The following VWF variants were observed in gnomAD, a reference collection of about 807,000 sequenced individuals.
VWF encodes von Willebrand factor.
VWF carries 176 observed loss-of-function variants against 308.6 expected under a neutral mutation model. The observed-to-expected ratio is 0.57, with a 90% CI of 0.50 to 0.65. VWF has a LOEUF of 0.65. VWF is among the 30% of genes least tolerant of loss of function. VWF has a pLI of 0.00. For synonymous variants in VWF, 1,385 were observed against 1,443.4 expected (o/e 0.96, Z 0.92); for missense variants, 3,146 against 3,648.2 (o/e 0.86, Z 3.55).
chr12:6,121,883 A>G (rs1416146191), intron 2 of VWF, among the ~76,000 whole-genome samples: 1 of 152,120 alleles, frequency 6.6e-6, no homozygotes, highest in African/African-American at 2.4e-5. Context: ...GGGAGCCAAC[A>G]TCATACCACT....
At position 6,064,389 on chromosome 12, in the gene VWF, C is replaced by G. The variant is rs1461243392; in HGVS notation, c.1294-5G>C. 2 of 1,613,944 alleles carry G rather than the reference C, an allele frequency of 1.2e-6. No individual in the cohort carries two copies. On this transcript the variant is annotated splice_region_variant and splice_polypyrimidine_tract_variant and intron_variant, in intron 11 of 51. Coordinates refer to ENST00000261405, the MANE Select transcript of VWF (RefSeq NM_000552.5). ...AGCGTCGCGGTCATCAGCACACTGC[C>G]AAGAGGGAACACAGGGTGACTTTGC... is the stretch of plus-strand genomic sequence containing the variant.
In VWF at chr12:5,999,049, G is replaced by A. The variant is rs375605676; in HGVS notation, c.5843-2827C>T. ...AAAACATCCAAACTTTAAAATAGCC[G>A]TAAATAAAGTAAAAGAGAAAAAACA... On this transcript the variant is annotated intron_variant, in intron 34 of 51. Coordinates refer to ENST00000261405, the MANE Select transcript of VWF (RefSeq NM_000552.5). Among the ~76,000 whole-genome samples the A allele has an allele frequency of 4.1e-4, 62 of 152,224 alleles. 1 individual carries two copies. The highest frequency in any genetic ancestry group is 1.3e-3 in the African/African-American group (54 of 41,524).
At chr12:6,008,807 TAAAAC>T (rs766128142) in intron 34 of VWF, among the ~76,000 whole-genome samples, 2 of 152,190 alleles carry the variant, frequency 1.3e-5, no homozygotes, top group Non-Finnish European at 2.9e-5. Flanking sequence ...TCAGCGAAGT[TAAAAC>T]AAATTCAGTT....
intron 10 of VWF, 73 bp from the exon 11 acceptor site, chr12:6,065,346 C>G (rs1479718257): frequency 6.3e-7 from 1 of 1,586,070 alleles, no homozygotes; most frequent in Admixed American, 1.7e-5. Context: ...AGGTGGAATG[C>G]ATATGCAAGC....
rs933386766 is a variant in VWF, at chr12:6,052,557, G to A, written c.2172C>T (p.Asp724=). 1.2e-6 allele frequency: 2 copies of A among 1,614,238 alleles called. No individual in the cohort carries two copies. The highest frequency in any genetic ancestry group is 1.3e-5 in the African/African-American group (1 of 75,070). The part of the protein sequence containing the change: ...EIFQPEDIFS[D]HHTMCYCEDG... ...CCTGCACTTACCACATGGTGTGATG[G>A]TCTGAGAAGATGTCTTCTGGCTGGA... The change falls in exon 16 of 52, where the codon GAC becomes GAT. Residue 724 remains aspartate, a synonymous_variant. Coordinates refer to ENST00000261405, the MANE Select transcript of VWF (RefSeq NM_000552.5).
intron 3 of VWF, among the ~76,000 whole-genome samples, chr12:6,119,696 A>C (rs1018565491): frequency 6.6e-6 from 1 of 152,078 alleles, no homozygotes; most frequent in Non-Finnish European, 1.5e-5. Flanking sequence ...AAATACAAAA[A>C]TTAGCCAAGC....
rs1330888746 is a variant in VWF at position 6,016,430 on chromosome 12, T to C, written c.5311+86A>G. ...AAGAAACTAAGGCCAAGGAGCAAAG[T>C]GACTGGCCGAGGTCACACAGTCACT... On this transcript the variant is annotated intron_variant, in intron 30 of 51. Coordinates refer to ENST00000261405, the MANE Select transcript of VWF (RefSeq NM_000552.5). 1.7e-4 allele frequency: 257 copies of C among 1,489,250 alleles called. 1 individual carries two copies. In the South Asian group the frequency reaches 2.9e-3, roughly 17 times the overall value. 92.3% of individuals were successfully genotyped at this position (1,489,250 alleles called of 1,614,324 possible).
At chr12:6,121,559 A>G (rs966638707) in intron 2 of VWF, among the ~76,000 whole-genome samples, 71 of 152,222 alleles carry the variant, frequency 4.7e-4, no homozygotes, top group African/African-American at 1.7e-3. Flanking sequence ...CAGGAAATCC[A>G]TTAGTTTCAA....
At chr12:6,064,706 C>A (rs1944692100) in intron 11 of VWF, among the ~76,000 whole-genome samples, 1 of 152,200 alleles carries the variant, frequency 6.6e-6, no homozygotes, top group African/African-American at 2.4e-5. Context: ...TCAAGGAAAG[C>A]CCTGTGCATT....
At chr12:6,000,787 G>A (rs1196598188) in intron 34 of VWF, among the ~76,000 whole-genome samples, 9 of 93,050 alleles carry the variant, frequency 9.7e-5, no homozygotes, top group Admixed American at 3.1e-4. Flanking sequence ...ACTCCAGCCT[G>A]AGCCACAGAG....
intron 38 of VWF, among the ~76,000 whole-genome samples, chr12:5,988,670 TA>T (rs1729605929): frequency 6.6e-6 from 1 of 152,178 alleles, no homozygotes; most frequent in South Asian, 2.1e-4. Flanking sequence ...ATTAAAAATT[TA>T]AAAAACAAGC....
Position 6,016,099 on chromosome 12 carries a change from G to T in VWF, c.5445C>A (p.Ala1815=). Residue 1815 remains alanine, a synonymous_variant, in exon 31 of 52, where the codon GCC becomes GCA. Coordinates refer to ENST00000261405, the MANE Select transcript of VWF (RefSeq NM_000552.5). Reference sequence around the variant, plus strand: ...ACACCAGATTCTTACTGTTGGACCTGGCGGCATCAGCTGCTGCATCCACTG... The same window carrying T: ...ACACCAGATTCTTACTGTTGGACCTTGCGGCATCAGCTGCTGCATCCACTG... ...VDSVDAAADA[A]RSNRVTVFPI... The T allele has an allele frequency of 6.2e-7, 1 of 1,614,094 alleles. No individual in the cohort carries two copies. The highest frequency in any genetic ancestry group is 8.5e-7 in the Non-Finnish European group (1 of 1,179,998).
chr12:6,071,982 G>A (rs1284268459), intron 9 of VWF, among the ~76,000 whole-genome samples: 1 of 152,134 alleles, frequency 6.6e-6, no homozygotes, highest in Non-Finnish European at 1.5e-5. Context: ...GAGATTTCAA[G>A]GAGAGAAGGA....
chr12:5,957,246 C>G (rs1001440676), intron 47 of VWF, among the ~76,000 whole-genome samples: 3 of 152,048 alleles, frequency 2.0e-5, no homozygotes, highest in African/African-American at 7.2e-5. Flanking sequence ...CTTTGCACAA[C>G]AAAAATCACC....
At chr12:6,073,481 C>T (rs749764383) in intron 8 of VWF, 138 bp downstream of exon 8, 55 of 1,231,326 alleles carry the variant, frequency 4.5e-5, no homozygotes, top group Non-Finnish European at 6.2e-5. Context: ...TCACGCTGGA[C>T]AAAGACATTT....
chr12:6,082,961 A>AGT (rs1944930015), intron 6 of VWF, among the ~76,000 whole-genome samples: 1 of 152,218 alleles, frequency 6.6e-6, no homozygotes, highest in South Asian at 2.1e-4. Context: ...AGGGTCATAC[A>AGT]GTGGCTGTAG....
At chr12:6,091,425 CAATCCCTAGATA>C (rs2136493921) in intron 6 of VWF, among the ~76,000 whole-genome samples, 1 of 152,252 alleles carries the variant, frequency 6.6e-6, no homozygotes, top group African/African-American at 2.4e-5. Flanking sequence ...GTGGAGGTCA[CAATCCCTAGATA>C]AATTACACCA....
At chr12:6,005,597 A>C (rs1943916422) in intron 34 of VWF, among the ~76,000 whole-genome samples, 1 of 152,250 alleles carries the variant, frequency 6.6e-6, no homozygotes, top group Non-Finnish European at 1.5e-5. Flanking sequence ...AGTCAAAGAC[A>C]AAAACAGAAT....
At chr12:5,966,447 C>T (rs924951754) in intron 47 of VWF, among the ~76,000 whole-genome samples, 1 of 152,220 alleles carries the variant, frequency 6.6e-6, no homozygotes, top group African/African-American at 2.4e-5. Context: ...GTGTCTCCTA[C>T]AGACCCATCC....
Sources: gnomAD v4.1 joint callset for allele counts (sites outside exome capture counted in the v4.1 genomes callset) on GRCh38, gnomAD v4.1.1 for gene constraint, MANE v1.5 for transcripts, NCBI Gene and HGNC (gene_info 2026-07-23, HGNC 2026-07-21) for gene names.